Variants in EFNA5 observed in about 807,000 individuals in gnomAD.
The protein encoded by EFNA5 is ephrin-A5.
In EFNA5, 5 loss-of-function variants were observed where a neutral mutation model predicts 22.9. The observed-to-expected ratio is 0.22, with a 90% CI of 0.11 to 0.46. EFNA5 has a LOEUF of 0.46. Ranked by LOEUF, EFNA5 falls within the 20% of genes least tolerant of loss-of-function variation. EFNA5 has a pLI of 0.99. For missense variants in EFNA5, 237 were observed against 293.3 expected (o/e 0.81, Z 1.40); for synonymous variants, 113 against 112.2 (o/e 1.01, Z -0.04).
At chr5:107,454,469 T>C (rs975788523) in intron 1 of EFNA5, among the ~76,000 whole-genome samples, 7 of 152,162 alleles carry the variant, frequency 4.6e-5, no homozygotes, top group Non-Finnish European at 1.0e-4. Flanking sequence ...TGTCTGCTTC[T>C]TTTTTCAGAT....
intron 1 of EFNA5, among the ~76,000 whole-genome samples, chr5:107,662,443 C>T (rs1027616962): frequency 6.6e-6 from 1 of 152,154 alleles, no homozygotes; most frequent in African/African-American, 2.4e-5. Flanking sequence ...CAGCCATCAT[C>T]AAACACATGC....
intron 1 of EFNA5, among the ~76,000 whole-genome samples, chr5:107,576,172 C>T (rs920908554): frequency 6.6e-6 from 1 of 152,132 alleles, no homozygotes; most frequent in African/African-American, 2.4e-5. Flanking sequence ...TTCTGCTTTT[C>T]CTACAGTGTT....
intron 1 of EFNA5, among the ~76,000 whole-genome samples, chr5:107,458,755 T>C (rs1474222115): frequency 6.6e-6 from 1 of 152,166 alleles, no homozygotes; most frequent in Non-Finnish European, 1.5e-5. Context: ...TTAAAACAAT[T>C]GTTACAGTAA....
chr5:107,401,513 C>G (rs1325471665), intron 2 of EFNA5, among the ~76,000 whole-genome samples: 1 of 152,128 alleles, frequency 6.6e-6, no homozygotes, highest in African/African-American at 2.4e-5. Context: ...GAAGAACAGC[C>G]TCTCCCCTGT....
chr5:107,641,849 T>C (rs1369349776), intron 1 of EFNA5, among the ~76,000 whole-genome samples: 3 of 152,090 alleles, frequency 2.0e-5, no homozygotes, highest in African/African-American at 7.2e-5. Context: ...GCCCAAGTAT[T>C]TAAAAATCAA....
chr5:107,537,364 G>T (rs774421267), intron 1 of EFNA5, among the ~76,000 whole-genome samples: 1 of 151,682 alleles, frequency 6.6e-6, no homozygotes. Flanking sequence ...GTGGTGGCAG[G>T]TCAAGGTGGG....
At chr5:107,561,064 G>GATA (rs1748531228) in intron 1 of EFNA5, among the ~76,000 whole-genome samples, 1 of 152,120 alleles carries the variant, frequency 6.6e-6, no homozygotes, top group Non-Finnish European at 1.5e-5. Context: ...CTGTATAAGG[G>GATA]ATATAATCCC....
intron 2 of EFNA5, among the ~76,000 whole-genome samples, chr5:107,391,459 T>C (rs1747793388): frequency 6.6e-6 from 1 of 151,760 alleles, no homozygotes; most frequent in South Asian, 2.1e-4. Context: ...AGACATTTTA[T>C]CCCTAAATTT....
chr5:107,636,038 C>T (rs934523184), intron 1 of EFNA5, among the ~76,000 whole-genome samples: 2 of 152,184 alleles, frequency 1.3e-5, no homozygotes, highest in Non-Finnish European at 2.9e-5. Flanking sequence ...GTCACTTAAG[C>T]TACCACATTA....
In EFNA5 at chr5:107,381,086, C is replaced by T. The variant is rs982824040; in HGVS notation, c.*169G>A. ...TGAGGGAGGCAGGAACAAGTTTAGG[C>T]CCCCAACCTGAAGTTGTTGCTTAGA... On this transcript the variant is annotated 3_prime_UTR_variant, in exon 5 of 5. Coordinates refer to ENST00000333274, the MANE Select transcript of EFNA5 (RefSeq NM_001962.3). 2 of 1,006,980 alleles carry T rather than the reference C, an allele frequency of 2.0e-6. No homozygotes were observed. The highest frequency in any genetic ancestry group is 2.8e-6 in the Non-Finnish European group (2 of 720,556). 62.4% of individuals were successfully genotyped at this position (1,006,980 alleles called of 1,614,324 possible). A position where few individuals can be genotyped will look rare whatever the true frequency, so the allele number is the denominator to read the frequency against.
chr5:107,653,400 C>T (rs1750771109), intron 1 of EFNA5, among the ~76,000 whole-genome samples: 1 of 152,080 alleles, frequency 6.6e-6, no homozygotes, highest in Non-Finnish European at 1.5e-5. Context: ...CGGCTGTGGG[C>T]CCTGTTAATT....
At chr5:107,667,382 T>C (rs943107577) in intron 1 of EFNA5, among the ~76,000 whole-genome samples, 2 of 151,818 alleles carry the variant, frequency 1.3e-5, no homozygotes, top group African/African-American at 4.9e-5. Flanking sequence ...TGACAGCAAA[T>C]AAATTTAATA....
At chr5:107,459,641 A>T (rs1749784585) in intron 1 of EFNA5, among the ~76,000 whole-genome samples, 1 of 152,158 alleles carries the variant, frequency 6.6e-6, no homozygotes, top group Non-Finnish European at 1.5e-5. Context: ...TGTAAAAAAA[A>T]TTGAAGACCC....
intron 1 of EFNA5, among the ~76,000 whole-genome samples, chr5:107,474,005 T>A (rs1750214347): frequency 6.6e-6 from 1 of 152,154 alleles, no homozygotes; most frequent in African/African-American, 2.4e-5. Context: ...CTATCATGCT[T>A]TTGACACAGA....
At chr5:107,444,554 A>G (rs1269993083) in intron 1 of EFNA5, among the ~76,000 whole-genome samples, 1 of 152,270 alleles carries the variant, frequency 6.6e-6, no homozygotes, top group African/African-American at 2.4e-5. Flanking sequence ...AGAATACTTA[A>G]TGGTTGAACT....
At chr5:107,593,740 T>C (rs894058043) in intron 1 of EFNA5, among the ~76,000 whole-genome samples, 1 of 152,062 alleles carries the variant, frequency 6.6e-6, no homozygotes, top group Non-Finnish European at 1.5e-5. Flanking sequence ...AAGAAAATGT[T>C]AAAAGAAAAA....
At chr5:107,562,378 C>T (rs1748567788) in intron 1 of EFNA5, among the ~76,000 whole-genome samples, 2 of 151,996 alleles carry the variant, frequency 1.3e-5, no homozygotes, top group South Asian at 4.1e-4. Flanking sequence ...CTCTCACATA[C>T]AAGCAGATAG....
At chr5:107,526,877 A>T (rs1202170974) in intron 1 of EFNA5, among the ~76,000 whole-genome samples, 1 of 152,230 alleles carries the variant, frequency 6.6e-6, no homozygotes, top group African/African-American at 2.4e-5. Flanking sequence ...AAACCATTAG[A>T]AAAGTCTACA....
At chr5:107,509,770 G>C (rs1012776766) in intron 1 of EFNA5, among the ~76,000 whole-genome samples, 3 of 152,158 alleles carry the variant, frequency 2.0e-5, no homozygotes, top group African/African-American at 7.2e-5. Flanking sequence ...ACATTCATTA[G>C]TATATTTCTA....
Sources: gnomAD v4.1 joint callset for allele counts (sites outside exome capture counted in the v4.1 genomes callset) on GRCh38, gnomAD v4.1.1 for gene constraint, MANE v1.5 for transcripts, NCBI Gene and HGNC (gene_info 2026-07-23, HGNC 2026-07-21) for gene names.